The following SRGAP3 variants were observed in gnomAD, a reference collection of about 807,000 sequenced individuals.
The protein encoded by SRGAP3 is SLIT-ROBO Rho GTPase activating protein 3.
SRGAP3 carries 39 observed loss-of-function variants against 121.1 expected under a neutral mutation model. That is an observed-to-expected ratio of 0.32 (90% CI 0.25 to 0.42). The LOEUF (loss-of-function observed/expected upper bound fraction) is 0.42, where lower values mean the gene tolerates loss of function less well. Ranked by LOEUF, SRGAP3 falls within the 10% of genes least tolerant of loss-of-function variation. The probability of loss-of-function intolerance (pLI) is 1.00; values close to 1 mark genes in which losing one functional copy is unlikely to be tolerated. For synonymous variants in SRGAP3, 601 were observed against 570.0 expected (o/e 1.05, Z -0.77); for missense variants, 1,213 against 1,470.6 (o/e 0.82, Z 2.86).
chr3:9,331,962 G>T (rs549983587), intron 1 of SRGAP3, among the ~76,000 whole-genome samples: 1 of 152,168 alleles, frequency 6.6e-6, no homozygotes, highest in South Asian at 2.1e-4. Flanking sequence ...AAGCCACTAA[G>T]TTGTGGGATT....
intron 18 of SRGAP3, among the ~76,000 whole-genome samples, chr3:8,999,677 G>A (rs377260145): frequency 6.6e-6 from 1 of 152,194 alleles, no homozygotes; most frequent in African/African-American, 2.4e-5. Context: ...TGTGATGAGA[G>A]TAATGACAGA....
intron 5 of SRGAP3, among the ~76,000 whole-genome samples, chr3:9,064,195 G>A (rs557800730): frequency 2.8e-4 from 42 of 152,294 alleles, no homozygotes; most frequent in Non-Finnish European, 1.9e-4. Context: ...GTGTTAGCAC[G>A]GGCATGCCTG....
chr3:9,013,917 C>G, intron 15 of SRGAP3, 75 bp from the exon 16 acceptor site: 1 of 1,408,638 alleles, frequency 7.1e-7, no homozygotes, highest in South Asian at 1.2e-5. Context: ...CTCGCCACAT[C>G]TCCTATATCA....
At chr3:9,302,384 T>A (rs1423835920) in intron 3 of SRGAP3, among the ~76,000 whole-genome samples, 1 of 152,120 alleles carries the variant, frequency 6.6e-6, no homozygotes, top group East Asian at 1.9e-4. Flanking sequence ...TACTCCTAGA[T>A]AGTGGAGCTT....
At chr3:9,229,110 C>T (rs188996324) in intron 1 of SRGAP3, among the ~76,000 whole-genome samples, 141 of 151,610 alleles carry the variant, frequency 9.3e-4, no homozygotes, top group Non-Finnish European at 1.5e-3. Flanking sequence ...ACTTACTCCT[C>T]CCCAAATCAG....
intron 4 of SRGAP3, among the ~76,000 whole-genome samples, chr3:9,076,942 G>T (rs1946999281): frequency 6.6e-6 from 1 of 152,088 alleles, no homozygotes; most frequent in South Asian, 2.1e-4. Context: ...TGTAGCAACA[G>T]TTCACACACT....
intron 17 of SRGAP3, among the ~76,000 whole-genome samples, chr3:9,011,866 G>A (rs1943396447): frequency 6.6e-6 from 1 of 152,166 alleles, no homozygotes; most frequent in African/African-American, 2.4e-5. Context: ...ACAGTCTCGT[G>A]GGAAACAAAT....
At chr3:9,172,088 CTTTTCT>C (rs557784372) in intron 1 of SRGAP3, among the ~76,000 whole-genome samples, 23,041 of 140,354 alleles carry the variant, frequency 0.16, 1,829 homozygotes, top group Non-Finnish European at 0.24. Flanking sequence ...ATGACTTTTT[CTTTTCT>C]TTTTTTTTTT....
intron 1 of SRGAP3, among the ~76,000 whole-genome samples, chr3:9,233,274 G>A (rs188681946): frequency 7.0e-4 from 106 of 152,300 alleles, no homozygotes; most frequent in African/African-American, 2.5e-3. Flanking sequence ...GATTCACCAT[G>A]AGCCGTGATT....
At chr3:9,094,107 A>G (rs1484027558) in intron 3 of SRGAP3, among the ~76,000 whole-genome samples, 2 of 152,188 alleles carry the variant, frequency 1.3e-5, no homozygotes, top group South Asian at 2.1e-4. Flanking sequence ...TCTTTCCTCA[A>G]TTATAATTCT....
chr3:9,242,951 C>G (rs1224048849), intron 1 of SRGAP3, among the ~76,000 whole-genome samples: 2 of 152,202 alleles, frequency 1.3e-5, no homozygotes, highest in African/African-American at 4.8e-5. Flanking sequence ...TCCCAAAGTG[C>G]TGGGACTACA....
intron 1 of SRGAP3, among the ~76,000 whole-genome samples, chr3:9,353,914 A>G (rs2030339879): frequency 6.6e-6 from 1 of 152,164 alleles, no homozygotes; most frequent in Non-Finnish European, 1.5e-5. Context: ...TTCTTTTAAC[A>G]AAATAGATTG....
chr3:9,215,997 T>G (rs1154397), intron 1 of SRGAP3, among the ~76,000 whole-genome samples: 5 of 151,994 alleles, frequency 3.3e-5, no homozygotes, highest in African/African-American at 1.2e-4. Flanking sequence ...CTCAGACAGA[T>G]AGACACACAG....
At chr3:9,204,289 G>C (rs1952182983) in intron 1 of SRGAP3, among the ~76,000 whole-genome samples, 1 of 152,244 alleles carries the variant, frequency 6.6e-6, no homozygotes, top group African/African-American at 2.4e-5. Flanking sequence ...CTCAGGGCCT[G>C]GACACACAGC....
intron 3 of SRGAP3, among the ~76,000 whole-genome samples, chr3:9,104,301 C>G (rs978235734): frequency 6.6e-6 from 1 of 152,170 alleles, no homozygotes; most frequent in African/African-American, 2.4e-5. Flanking sequence ...CGTTTGTACA[C>G]GAGAAATTCC....
At chr3:9,060,135 T>A in intron 6 of SRGAP3, 96 bp downstream of exon 6, 1 of 1,590,226 alleles carries the variant, frequency 6.3e-7, no homozygotes, top group Non-Finnish European at 8.6e-7. Flanking sequence ...CCCGAGAATG[T>A]CAGGTAAAGA....
chr3:9,224,069 A>G (rs1239542634), intron 1 of SRGAP3, among the ~76,000 whole-genome samples: 1 of 151,926 alleles, frequency 6.6e-6, no homozygotes, highest in Non-Finnish European at 1.5e-5. Flanking sequence ...AGAAGGCCTG[A>G]CCCTCCTCTC....
At chr3:9,155,007 T>G (rs1015281532) in intron 1 of SRGAP3, among the ~76,000 whole-genome samples, 1 of 129,610 alleles carries the variant, frequency 7.7e-6, no homozygotes, top group Non-Finnish European at 1.5e-5. Context: ...TGTTTTTTGT[T>G]TTTTTTTTGC....
At chr3:9,015,897 C>A in intron 14 of SRGAP3, 166 bp from the exon 15 acceptor site, 1 of 691,718 alleles carries the variant, frequency 1.4e-6, no homozygotes, top group Non-Finnish European at 2.5e-6. Context: ...TAAAGTTCTC[C>A]CTGCAACTTA....
Sources: allele counts gnomAD v4.1 joint callset (sites outside exome capture counted in the v4.1 genomes callset), GRCh38; gene constraint gnomAD v4.1.1; transcripts MANE v1.5; gene names NCBI Gene and HGNC (gene_info 2026-07-23, HGNC 2026-07-21).